Variants in SANBR observed in about 807,000 individuals in gnomAD.
SANBR encodes SANT and BTB domain regulator of class switch recombination.
SANBR carries 77 observed loss-of-function variants against 101.8 expected under a neutral mutation model. The observed-to-expected ratio is 0.76, with a 90% CI of 0.63 to 0.91. SANBR has a LOEUF of 0.91. Ranked by LOEUF, SANBR falls within the 40% of genes least tolerant of loss-of-function variation. SANBR has a pLI of 0.00. For missense variants in SANBR, 875 were observed against 853.0 expected (o/e 1.03, Z -0.32); for synonymous variants, 279 against 274.7 (o/e 1.02, Z -0.15).
rs1684416157 is a variant in SANBR, at chr2:61,123,545, T to C, written c.*1383T>C. 1 of 961,862 alleles carries C rather than the reference T, an allele frequency of 1.0e-6. No individual in the cohort carries two copies. Among genetic ancestry groups the C allele is most frequent in the Non-Finnish European group, 1.2e-6 (1 of 808,538 alleles). 59.6% of individuals were successfully genotyped at this position (961,862 alleles called of 1,614,324 possible). A position where few individuals can be genotyped will look rare whatever the true frequency, so the allele number is the denominator to read the frequency against. On this transcript the variant is annotated 3_prime_UTR_variant, in exon 22 of 22. Coordinates refer to ENST00000402291, the MANE Select transcript of SANBR (RefSeq NM_001129993.3). Reference sequence around the variant, plus strand: ...CTTTTATTTTCGAAAGAAAATGTCTTGTAGTACATATTATATGTAAGTACT... The same window carrying C: ...CTTTTATTTTCGAAAGAAAATGTCTCGTAGTACATATTATATGTAAGTACT...
At chr2:61,069,067 A>G (rs1416854673) in intron 2 of SANBR, 82 bp downstream of exon 2, 3 of 152,326 alleles carry the variant, frequency 2.0e-5, no homozygotes, top group East Asian at 1.9e-4. Flanking sequence ...TGTTCATTCA[A>G]ATACATGTAG....
At chr2:61,107,873 GAGACTCTGTCTCAAAAAAAAAAAAAATT>G (rs1683650644) in intron 14 of SANBR, among the ~76,000 whole-genome samples, 1 of 149,952 alleles carries the variant, frequency 6.7e-6, no homozygotes, top group African/African-American at 2.4e-5. Context: ...GTGACAGAGT[GAGACTCTGTCTCAAAAAAAAAAAAAATT>G]CACACATTAA....
intron 1 of SANBR, among the ~76,000 whole-genome samples, chr2:61,067,540 A>G (rs1160747945): frequency 6.6e-6 from 1 of 152,138 alleles, no homozygotes; most frequent in Non-Finnish European, 1.5e-5. Flanking sequence ...GATCGAGACT[A>G]TCCTGGCCAA....
At chr2:61,087,215 G>C (rs1298972475) in intron 8 of SANBR, among the ~76,000 whole-genome samples, 1 of 152,052 alleles carries the variant, frequency 6.6e-6, no homozygotes, top group Admixed American at 6.6e-5. Flanking sequence ...GGTAGGCCTC[G>C]GTTGTTAAAT....
Position 61,123,583 on chromosome 2 carries a change from A to G in SANBR, c.*1421A>G. The G allele has an allele frequency of 3.1e-6, 3 of 978,036 alleles. No homozygotes were observed. The highest frequency in any genetic ancestry group is 3.6e-6 in the Non-Finnish European group (3 of 823,044). The allele number at this position is 978,036 out of a possible 1,614,324, so 60.6% of individuals were successfully genotyped here. The stretch of plus-strand genomic sequence containing the variant: ...ATATGTAAGTACTCTGTTAAATACC[A>G]GAGTTTTTTTTGTAGTTTACTGTGT... On this transcript the variant is annotated 3_prime_UTR_variant, in exon 22 of 22. Coordinates refer to ENST00000402291, the MANE Select transcript of SANBR (RefSeq NM_001129993.3).
intron 2 of SANBR, chr2:61,069,601 G>T (rs1160265107): frequency 6.6e-6 from 1 of 152,268 alleles, no homozygotes; most frequent in East Asian, 1.9e-4. Context: ...GATATAACTA[G>T]TCAAAACTTT....
intron 16 of SANBR, among the ~76,000 whole-genome samples, chr2:61,111,949 A>T (rs545847302): frequency 6.6e-6 from 1 of 152,042 alleles, no homozygotes; most frequent in African/African-American, 2.4e-5. Context: ...TCCATTCCCA[A>T]TTTCATGGGC....
chr2:61,106,592 AG>A lies in SANBR; in HGVS notation c.1544del (p.Gly515ValfsTer2). 2 of 1,600,074 alleles carry A rather than the reference AG, an allele frequency of 1.2e-6. No individual in the cohort carries two copies. The highest frequency in any genetic ancestry group is 1.7e-6 in the Non-Finnish European group (2 of 1,175,644). On this transcript the variant is annotated frameshift_variant, in exon 14 of 22. Coordinates refer to ENST00000402291, the MANE Select transcript of SANBR (RefSeq NM_001129993.3). LOFTEE classifies it high-confidence loss of function. ...GTTGGGGTTGGCCTCTGTGATGAAA[AG>A]GGTATAGAATGTGATGTTTTACTGG... ...SDVGVGLCDE[K>X]GIECDVLLEP...
At chr2:61,067,451 G>A (rs1207258227) in intron 1 of SANBR, among the ~76,000 whole-genome samples, 1 of 152,056 alleles carries the variant, frequency 6.6e-6, no homozygotes, top group Non-Finnish European at 1.5e-5. Context: ...ATAATAAAAC[G>A]CCCTGGCCGG....
intron 5 of SANBR, chr2:61,074,970 T>TC (rs1681685972): frequency 6.6e-6 from 1 of 151,324 alleles, no homozygotes; most frequent in East Asian, 1.9e-4. Context: ...TTTAATTCTT[T>TC]TTTTTTTTTT....
intron 6 of SANBR, among the ~76,000 whole-genome samples, chr2:61,077,730 C>G (rs1347595734): frequency 1.3e-5 from 2 of 152,194 alleles, no homozygotes; most frequent in Non-Finnish European, 2.9e-5. Flanking sequence ...ACTCCTACTG[C>G]ACAGCAACAC....
intron 10 of SANBR, among the ~76,000 whole-genome samples, chr2:61,091,721 A>C (rs1682771375): frequency 6.6e-6 from 1 of 152,176 alleles, no homozygotes; most frequent in South Asian, 2.1e-4. Context: ...TGATGATTGC[A>C]CCACTGCACT....
intron 12 of SANBR, among the ~76,000 whole-genome samples, chr2:61,101,751 A>C (rs1300705880): frequency 2.8e-5 from 4 of 143,660 alleles, no homozygotes; most frequent in Non-Finnish European, 6.1e-5. Flanking sequence ...TGTATATATT[A>C]ATAGGCCAGG....
intron 21 of SANBR, among the ~76,000 whole-genome samples, chr2:61,135,894 G>A (rs1375599804): frequency 6.6e-6 from 1 of 152,212 alleles, no homozygotes; most frequent in Non-Finnish European, 1.5e-5. Context: ...GCTCTTCAGT[G>A]CCAGAATTGC....
At chr2:61,135,815 A>G (rs1472611790) in intron 21 of SANBR, among the ~76,000 whole-genome samples, 2 of 152,214 alleles carry the variant, frequency 1.3e-5, no homozygotes, top group Non-Finnish European at 2.9e-5. Context: ...TAGAAAGCAA[A>G]TATGAAAAGG....
rs116781855 is a variant in SANBR at position 61,130,325 on chromosome 2, T to C, written c.2029-3812T>C. On this transcript the variant is annotated intron_variant, in intron 20 of 21. Coordinates refer to the SANBR transcript ENST00000295031. The stretch of plus-strand genomic sequence containing the variant: ...AACTTAGATTAAATGAGCAAATTAT[T>C]AGAAGGACACAAACTACTGAAACTG... Among the ~76,000 whole-genome samples the C allele has an allele frequency of 5.5e-3, 842 of 152,262 alleles. 9 individuals carry two copies. The highest frequency in any genetic ancestry group is 0.019 in the African/African-American group (781 of 41,562).
chr2:61,132,654 A>C (rs1001840865), intron 20 of SANBR, among the ~76,000 whole-genome samples: 1 of 152,224 alleles, frequency 6.6e-6, no homozygotes, highest in African/African-American at 2.4e-5. Context: ...TATGACCCAG[A>C]TATATACGCA....
In SANBR at chr2:61,075,991, A is replaced by G. The variant is rs144305209; in HGVS notation, c.432-929A>G. The stretch of plus-strand genomic sequence containing the variant: ...GGTATTATTTTTATAAACTTTATTT[A>G]TTTATTTATTTATTTATTTAGAGAC... On this transcript the variant is annotated intron_variant, in intron 5 of 21. Transcript: ENST00000402291. 3.0e-3 allele frequency among the ~76,000 whole-genome samples: 452 copies of G among 149,004 alleles called. 2 individuals carry two copies. Among genetic ancestry groups the G allele is most frequent in the African/African-American group, 9.9e-3 (386 of 39,180 alleles).
chr2:61,108,677 T>C (rs1173854510), intron 15 of SANBR, among the ~76,000 whole-genome samples: 2 of 151,968 alleles, frequency 1.3e-5, no homozygotes, highest in African/African-American at 2.4e-5. Flanking sequence ...GCTTTTTTTT[T>C]TTTACCTGTT....
Sources: gnomAD v4.1 joint callset for allele counts (sites outside exome capture counted in the v4.1 genomes callset) on GRCh38, gnomAD v4.1.1 for gene constraint, MANE v1.5 for transcripts, NCBI Gene and HGNC (gene_info 2026-07-23, HGNC 2026-07-21) for gene names.